The following PLEKHA7 variants were observed in gnomAD, a reference collection of about 807,000 sequenced individuals.
PLEKHA7 encodes pleckstrin homology domain containing A7.
PLEKHA7 carries 104 observed loss-of-function variants against 170.0 expected under a neutral mutation model. That is an observed-to-expected ratio of 0.61 (90% CI 0.52 to 0.72). The LOEUF (loss-of-function observed/expected upper bound fraction) is 0.72. Among genes scored for constraint, PLEKHA7 ranks in the 30% least tolerant of loss-of-function variants. The pLI is 0.00. For synonymous variants in PLEKHA7, 648 were observed against 660.8 expected, an observed-to-expected ratio of 0.98 and a Z score of 0.30; for missense variants, 1,615 against 1,671.7, an observed-to-expected ratio of 0.97 and a Z score of 0.59.
At chr11:16,786,927 C>A (rs1849438342) in intron 23 of PLEKHA7, 1 of 985,266 alleles carries the variant, frequency 1.0e-6, no homozygotes, top group African/African-American at 1.7e-5. Context: ...GCAAAAGCAG[C>A]TTGGAGCCAA....
At chr11:16,999,487 G>A (rs1293028220) in intron 3 of PLEKHA7, among the ~76,000 whole-genome samples, 7 of 151,998 alleles carry the variant, frequency 4.6e-5, no homozygotes, top group Non-Finnish European at 8.8e-5. Flanking sequence ...TCTCAGCAGA[G>A]GTGAAGGCAG....
At chr11:16,826,636 C>T (rs574193266) in intron 9 of PLEKHA7, 46 bp from the exon 10 acceptor site, 15 of 1,529,362 alleles carry the variant, frequency 9.8e-6, no homozygotes, top group Non-Finnish European at 1.3e-5. Flanking sequence ...GCCAAGACTC[C>T]ATGATGAAAT....
intron 3 of PLEKHA7, among the ~76,000 whole-genome samples, chr11:16,965,305 A>G (rs974280874): frequency 4.1e-5 from 6 of 147,862 alleles, no homozygotes; most frequent in Admixed American, 2.8e-4. Context: ...CCTGGATGAC[A>G]GCACGAGACT....
intron 13 of PLEKHA7, among the ~76,000 whole-genome samples, chr11:16,812,902 C>T (rs1849476358): frequency 6.6e-6 from 1 of 152,164 alleles, no homozygotes; most frequent in South Asian, 2.1e-4. Flanking sequence ...AAGCCAGGGA[C>T]CTCACAACAA....
chr11:16,841,586 T>A lies in PLEKHA7; in HGVS notation c.833A>T (p.Asn278Ile). 1.2e-6 allele frequency: 2 copies of A among 1,613,904 alleles called. No individual in the cohort carries two copies. Among genetic ancestry groups the A allele is most frequent in the East Asian group, 4.5e-5 (2 of 44,882 alleles). The change falls in exon 9 of 27, where the codon AAC becomes ATC. Residue 278 changes from asparagine (N) to isoleucine (I), a missense_variant. Asn to Ile is a moderately radical substitution (Grantham distance 149, BLOSUM62 -3). Coordinates refer to ENST00000531066, the MANE Select transcript of PLEKHA7 (RefSeq NM_001329630.2). ...TCGAGACAGCACCTGTGCAGCCTGGTTCATGGCCCTGACCCAAGCGTTCAT... is the reference window on the plus strand; with the variant it reads ...TCGAGACAGCACCTGTGCAGCCTGGATCATGGCCCTGACCCAAGCGTTCAT... ...EDMNAWVRAM[N>I]QAAQVLSRSS... is the part of the protein sequence containing the mutation.
At chr11:16,829,711 G>T (rs1486984156) in intron 9 of PLEKHA7, among the ~76,000 whole-genome samples, 1 of 152,178 alleles carries the variant, frequency 6.6e-6, no homozygotes. Flanking sequence ...GGGAGGCACA[G>T]GTTGCAGTAG....
At chr11:16,807,180 C>G in intron 13 of PLEKHA7, 1 of 985,722 alleles carries the variant, frequency 1.0e-6, no homozygotes, top group Non-Finnish European at 1.2e-6. Flanking sequence ...CTGACTTCTT[C>G]AGCACTTTGT....
chr11:16,910,254 A>G (rs908007780), intron 3 of PLEKHA7, among the ~76,000 whole-genome samples: 6 of 152,240 alleles, frequency 3.9e-5, no homozygotes, highest in African/African-American at 7.2e-5. Context: ...TCATAATCAG[A>G]TAAGGAAAGG....
chr11:16,879,918 CCT>C (rs1469820726), intron 3 of PLEKHA7, among the ~76,000 whole-genome samples: 1 of 152,174 alleles, frequency 6.6e-6, no homozygotes, highest in Non-Finnish European at 1.5e-5. Context: ...CTGTCTGGCC[CCT>C]GAGTTCCCAC....
chr11:16,957,843 A>T (rs1861803567), intron 3 of PLEKHA7, among the ~76,000 whole-genome samples: 1 of 151,382 alleles, frequency 6.6e-6, no homozygotes. Context: ...AGCTGGGATT[A>T]CAGGCATGCA....
chr11:16,803,097 G>C (rs1183914936), intron 14 of PLEKHA7, 45 bp from the exon 15 acceptor site: 8 of 1,575,630 alleles, frequency 5.1e-6, no homozygotes, highest in Non-Finnish European at 7.0e-6. Flanking sequence ...GATGAGAAAA[G>C]GACATGACCT....
intron 3 of PLEKHA7, among the ~76,000 whole-genome samples, chr11:16,965,468 C>A (rs982372016): frequency 1.3e-5 from 2 of 152,184 alleles, no homozygotes; most frequent in Non-Finnish European, 2.9e-5. Flanking sequence ...CACCCTCATC[C>A]CCTTAGTGCC....
chr11:16,907,561 C>T (rs878900410), intron 3 of PLEKHA7, among the ~76,000 whole-genome samples: 52 of 75,074 alleles, frequency 6.9e-4, no homozygotes, highest in South Asian at 1.6e-3. Flanking sequence ...GGGAGGGAGG[C>T]GGGGGGGTCA....
chr11:17,011,582 C>T (rs1407039802), intron 3 of PLEKHA7, among the ~76,000 whole-genome samples: 2 of 152,116 alleles, frequency 1.3e-5, no homozygotes, highest in Admixed American at 1.3e-4. Flanking sequence ...CATGCATTCT[C>T]CTGGGGTTTC....
At chr11:17,011,083 G>C (rs1270155483) in intron 3 of PLEKHA7, among the ~76,000 whole-genome samples, 4 of 152,182 alleles carry the variant, frequency 2.6e-5, no homozygotes, top group Admixed American at 1.3e-4. Flanking sequence ...GGACCTCACA[G>C]ACAAGTTACC....
chr11:16,816,875 C>A lies in PLEKHA7; in HGVS notation c.1791G>T (p.Lys597Asn), dbSNP rs758430532. The A allele has an allele frequency of 3.1e-6, 5 of 1,614,030 alleles. No homozygotes were observed. The highest frequency in any genetic ancestry group is 2.7e-5 in the African/African-American group (2 of 74,938). Residue 597 changes from lysine (K) to asparagine (N), a missense_variant, in exon 11 of 27, where the codon AAG becomes AAT. Coordinates refer to ENST00000531066, the MANE Select transcript of PLEKHA7 (RefSeq NM_001329630.2). Reference protein sequence around the residue: ...PHTPAERVTVKPPDQRRSVDI... With the variant: ...PHTPAERVTVNPPDQRRSVDI... ...CCACACTCCTCCTCTGGTCCGGTGGCTTCACTGTGACTCGCTCTGCTGGTG... is the reference window on the plus strand; with the variant it reads ...CCACACTCCTCCTCTGGTCCGGTGGATTCACTGTGACTCGCTCTGCTGGTG...
At chr11:16,919,097 C>A (rs1858904064) in intron 3 of PLEKHA7, among the ~76,000 whole-genome samples, 1 of 152,156 alleles carries the variant, frequency 6.6e-6, no homozygotes, top group African/African-American at 2.4e-5. Context: ...GCCTGTAATT[C>A]CAGCTACCTG....
intron 3 of PLEKHA7, among the ~76,000 whole-genome samples, chr11:16,922,042 T>C (rs1859133328): frequency 1.3e-5 from 2 of 152,192 alleles, no homozygotes; most frequent in South Asian, 2.1e-4. Context: ...AGATTCAGGG[T>C]TCTCCAAGGC....
Position 16,954,915 on chromosome 11 carries a change from C to T in PLEKHA7, c.221+59074G>A, listed in dbSNP as rs189260511. Among the ~76,000 whole-genome samples the T allele has an allele frequency of 8.2e-3, 1,248 of 152,204 alleles. 21 individuals carry two copies. The highest frequency in any genetic ancestry group is 0.028 in the African/African-American group (1,180 of 41,510). ...CTATGTTGGCCAGGCTGGTCTCAAACTCCTGACCTCGTGATCCGCCCGCCT... is the reference window on the plus strand; with the variant it reads ...CTATGTTGGCCAGGCTGGTCTCAAATTCCTGACCTCGTGATCCGCCCGCCT... On this transcript the variant is annotated intron_variant, in intron 3 of 26. Transcript: ENST00000531066.
Sources: allele counts gnomAD v4.1 joint callset (sites outside exome capture counted in the v4.1 genomes callset), GRCh38; gene constraint gnomAD v4.1.1; transcripts MANE v1.5; gene names NCBI Gene and HGNC (gene_info 2026-07-23, HGNC 2026-07-21).